FHL2: variants seen among roughly 807,000 people sequenced by gnomAD.
FHL2 encodes the protein four and a half LIM domains protein 2.
FHL2 carries 20 observed loss-of-function variants against 32.7 expected under a neutral mutation model. The ratio of observed to expected loss-of-function variants is 0.61; its 90% CI spans 0.43 to 0.89. FHL2 has a LOEUF of 0.89. Among genes scored for constraint, FHL2 ranks in the 40% least tolerant of loss-of-function variants. The probability of loss-of-function intolerance (pLI) is 0.00; values close to 1 mark genes in which losing one functional copy is unlikely to be tolerated. For missense variants in FHL2, 311 were observed against 358.6 expected (o/e 0.87, Z 1.07); for synonymous variants, 123 against 128.1 (o/e 0.96, Z 0.27).
At chr2:105,394,905 G>A (rs1558712955) in intron 2 of FHL2, among the ~76,000 whole-genome samples, 1 of 152,176 alleles carries the variant, frequency 6.6e-6, no homozygotes, top group Non-Finnish European at 1.5e-5. Context: ...AAGGTAAACT[G>A]CTGTCTTCTG....
At chr2:105,421,178 G>A (rs11690543) in intron 1 of FHL2, among the ~76,000 whole-genome samples, 46,941 of 152,072 alleles carry the variant, frequency 0.31, 7,847 homozygotes, top group Middle Eastern at 0.51. Flanking sequence ...AACTGTCCCT[G>A]GTCCCATCGT....
At chr2:105,399,767 A>G (rs1222484392), upstream of FHL2, 9 of 756,380 alleles carry the variant, frequency 1.2e-5, no homozygotes, top group Non-Finnish European at 1.6e-5. Flanking sequence ...TCGCAGGGAG[A>G]GCACAGGTTG....
chr2:105,430,623 G>A (rs1012393653), intron 1 of FHL2, among the ~76,000 whole-genome samples: 13 of 152,250 alleles, frequency 8.5e-5, no homozygotes, highest in African/African-American at 2.2e-4. Flanking sequence ...AGCTGAGATC[G>A]CGCCACTGCA....
chr2:105,436,750 T>C (rs1041003866), intron 1 of FHL2, among the ~76,000 whole-genome samples: 2 of 152,148 alleles, frequency 1.3e-5, no homozygotes, highest in Admixed American at 6.5e-5. Context: ...ACTGCAAAAA[T>C]AGTTATCTTT....
upstream of FHL2, chr2:105,399,339 G>T (rs1199944418): frequency 6.5e-7 from 1 of 1,535,918 alleles, no homozygotes; most frequent in African/African-American, 1.4e-5. Context: ...AGGCCTGGGC[G>T]CGGTGGCAGG....
chr2:105,422,965 C>A (rs1684149684), intron 1 of FHL2, among the ~76,000 whole-genome samples: 1 of 152,158 alleles, frequency 6.6e-6, no homozygotes, highest in Non-Finnish European at 1.5e-5. Flanking sequence ...TACTCTCCCA[C>A]TTCTTTCCTT....
intron 1 of FHL2, among the ~76,000 whole-genome samples, chr2:105,408,973 A>C (rs1231129758): frequency 6.6e-6 from 1 of 152,138 alleles, no homozygotes; most frequent in African/African-American, 2.4e-5. Context: ...AGGCTGAGCC[A>C]AGGCAGCACC....
At chr2:105,418,305 G>T (rs548049666) in intron 1 of FHL2, among the ~76,000 whole-genome samples, 1 of 152,028 alleles carries the variant, frequency 6.6e-6, no homozygotes, top group Non-Finnish European at 1.5e-5. Context: ...AAGATGTGGG[G>T]ACCAGGCAGA....
At chr2:105,393,079 GT>G (rs1241124366) in intron 2 of FHL2, among the ~76,000 whole-genome samples, 6 of 151,960 alleles carry the variant, frequency 3.9e-5, no homozygotes. Context: ...AGGCCTTGGA[GT>G]TCCAGGAGCC....
intron 1 of FHL2, among the ~76,000 whole-genome samples, chr2:105,431,016 C>T (rs532423181): frequency 7.2e-5 from 11 of 152,304 alleles, no homozygotes; most frequent in East Asian, 1.9e-4. Flanking sequence ...TCCCATATCA[C>T]GAAATAAATT....
upstream of FHL2, among the ~76,000 whole-genome samples, chr2:105,401,307 A>G (rs1287676195): frequency 6.6e-6 from 1 of 152,040 alleles, no homozygotes; most frequent in African/African-American, 2.4e-5. Context: ...TTATGCCTGG[A>G]GTTGTTTCAA....
chr2:105,395,619 T>C (rs1683071624), intron 2 of FHL2, among the ~76,000 whole-genome samples: 1 of 152,242 alleles, frequency 6.6e-6, no homozygotes, highest in Non-Finnish European at 1.5e-5. Context: ...CAGTTCCTTC[T>C]GCTTCCTTCA....
chr2:105,427,377 T>C (rs1010476321), intron 1 of FHL2, among the ~76,000 whole-genome samples: 107 of 152,228 alleles, frequency 7.0e-4, no homozygotes, highest in African/African-American at 2.5e-3. Flanking sequence ...TGACCCATGA[T>C]ATGCACTATG....
intron 4 of FHL2, among the ~76,000 whole-genome samples, chr2:105,369,961 G>A (rs1440584001): frequency 6.6e-6 from 1 of 152,244 alleles, no homozygotes; most frequent in Non-Finnish European, 1.5e-5. Flanking sequence ...ATGGTCATAT[G>A]CAGCAATACC....
At chr2:105,371,986 C>T (rs866558733) in intron 4 of FHL2, among the ~76,000 whole-genome samples, 3 of 152,130 alleles carry the variant, frequency 2.0e-5, no homozygotes, top group African/African-American at 4.8e-5. Flanking sequence ...TAGAAGAGGC[C>T]TTCTTGCCTG....
chr2:105,377,818 GTAGGCGC>G, intron 3 of FHL2: 10 of 341,006 alleles, frequency 2.9e-5, no homozygotes, highest in South Asian at 9.4e-5. Context: ...ACCTGAAGGA[GTAGGCGC>G]CAGGGAGAGG....
At chr2:105,366,494 A>AG (rs1273900776) in intron 5 of FHL2, among the ~76,000 whole-genome samples, 1 of 152,204 alleles carries the variant, frequency 6.6e-6, no homozygotes, top group African/African-American at 2.4e-5. Context: ...GAGCAGTGGG[A>AG]GGGTGCCACT....
intron 1 of FHL2, 102 bp downstream of exon 1, chr2:105,398,740 T>G: frequency 7.2e-6 from 6 of 828,576 alleles, no homozygotes; most frequent in South Asian, 6.5e-5. Flanking sequence ...CTCTCCCGGG[T>G]CTACCCCACA....
At chr2:105,398,776 C>G in intron 1 of FHL2, 66 bp downstream of exon 1, 3 of 1,296,820 alleles carry the variant, frequency 2.3e-6, no homozygotes, top group Non-Finnish European at 3.0e-6. Flanking sequence ...CCCGGCTTCT[C>G]CCCGCACGGT....
Sources: gnomAD v4.1 joint callset for allele counts (sites outside exome capture counted in the v4.1 genomes callset) on GRCh38, gnomAD v4.1.1 for gene constraint, MANE v1.5 for transcripts, NCBI Gene and HGNC (gene_info 2026-07-23, HGNC 2026-07-21) for gene names.